The following NRG3 variants were observed in gnomAD, a reference collection of about 807,000 sequenced individuals.
NRG3 encodes the protein pro-neuregulin-3, membrane-bound isoform.
NRG3 carries 31 observed loss-of-function variants against 66.9 expected under a neutral mutation model. The observed-to-expected ratio is 0.46, with a 90% CI of 0.35 to 0.63. NRG3 has a LOEUF of 0.63. NRG3 is among the 20% of genes least tolerant of loss of function. The pLI is 0.00. For missense variants in NRG3, 910 were observed against 878.9 expected (o/e 1.04, Z -0.45); for synonymous variants, 393 against 359.4 (o/e 1.09, Z -1.06).
At chr10:82,870,041 T>G (rs556293398) in intron 4 of NRG3, among the ~76,000 whole-genome samples, 2 of 146,676 alleles carry the variant, frequency 1.4e-5, no homozygotes, top group East Asian at 4.1e-4. Context: ...GCTAATTTTT[T>G]GTATTTTTAG....
At chr10:82,167,730 T>C (rs2072204783) in intron 1 of NRG3, among the ~76,000 whole-genome samples, 1 of 152,160 alleles carries the variant, frequency 6.6e-6, no homozygotes, top group Admixed American at 6.6e-5. Flanking sequence ...CTTTTGTAAA[T>C]ATTTGCTTAT....
intron 1 of NRG3, among the ~76,000 whole-genome samples, chr10:82,337,444 A>G (rs1481812298): frequency 2.0e-5 from 3 of 152,214 alleles, no homozygotes; most frequent in East Asian, 1.9e-4. Context: ...TTTGGCTACT[A>G]TGTGTAATAT....
intron 2 of NRG3, among the ~76,000 whole-genome samples, chr10:82,615,962 AT>A (rs2048619667): frequency 6.6e-6 from 1 of 152,170 alleles, no homozygotes; most frequent in Admixed American, 6.5e-5. Context: ...TTTAGATATT[AT>A]TTTTGAGCAC....
intron 1 of NRG3, among the ~76,000 whole-genome samples, chr10:82,010,389 A>C (rs571108376): frequency 6.6e-6 from 1 of 152,320 alleles, no homozygotes; most frequent in African/African-American, 2.4e-5. Context: ...TCTGCAAAAT[A>C]TAATGTGGTT....
At chr10:82,113,781 C>T (rs898603304) in intron 1 of NRG3, among the ~76,000 whole-genome samples, 3 of 152,120 alleles carry the variant, frequency 2.0e-5, no homozygotes, top group Non-Finnish European at 4.4e-5. Flanking sequence ...TGAAAATACT[C>T]TGCAGTATAT....
At chr10:82,646,931 CTT>C (rs1043841047) in intron 2 of NRG3, among the ~76,000 whole-genome samples, 1 of 150,686 alleles carries the variant, frequency 6.6e-6, no homozygotes, top group African/African-American at 2.5e-5. Flanking sequence ...AAAGAGATAA[CTT>C]TTTAAACTTT....
At position 82,482,971 on chromosome 10, in the gene NRG3, A is replaced by G. The variant is rs567651705; in HGVS notation, c.953+124103A>G. ...TAGACAAGCATCAAGTTTACCAACCAGCACAGATCCTACAATCTTGCAAGG... is the reference window on the plus strand; with the variant it reads ...TAGACAAGCATCAAGTTTACCAACCGGCACAGATCCTACAATCTTGCAAGG... On this transcript the variant is annotated intron_variant, in intron 2 of 8. Transcript: ENST00000372141. Among the ~76,000 whole-genome samples, 198 of 152,338 alleles carry G rather than the reference A, an allele frequency of 1.3e-3. 1 individual carries two copies. The highest frequency in any genetic ancestry group is 4.3e-3 in the African/African-American group (180 of 41,580).
At chr10:82,659,317 A>G (rs2052127868) in intron 2 of NRG3, among the ~76,000 whole-genome samples, 2 of 152,344 alleles carry the variant, frequency 1.3e-5, no homozygotes, top group South Asian at 4.1e-4. Flanking sequence ...ATGCAATTAT[A>G]GTAGTATAGC....
chr10:82,049,260 G>T (rs1352397611), intron 1 of NRG3, among the ~76,000 whole-genome samples: 3 of 152,004 alleles, frequency 2.0e-5, no homozygotes, highest in African/African-American at 7.2e-5. Flanking sequence ...TTATTTTTTA[G>T]ATTTGGATGT....
intron 1 of NRG3, among the ~76,000 whole-genome samples, chr10:82,241,841 A>G (rs1347475449): frequency 1.3e-5 from 2 of 152,174 alleles, no homozygotes; most frequent in Admixed American, 1.3e-4. Flanking sequence ...TTTGTCAATT[A>G]CCATCTGTGT....
chr10:82,142,913 CCTGG>C (rs904417283), intron 1 of NRG3, among the ~76,000 whole-genome samples: 1 of 145,406 alleles, frequency 6.9e-6, no homozygotes, highest in African/African-American at 2.5e-5. Flanking sequence ...TGCCACCACA[CCTGG>C]CTAAGTTTTT....
chr10:82,466,330 A>T (rs1383063887), intron 2 of NRG3, among the ~76,000 whole-genome samples: 2 of 152,188 alleles, frequency 1.3e-5, no homozygotes, highest in African/African-American at 2.4e-5. Context: ...GCATCACAAG[A>T]GGCACTTGAG....
chr10:82,377,859 G>C (rs1232925719), intron 2 of NRG3, among the ~76,000 whole-genome samples: 1 of 152,196 alleles, frequency 6.6e-6, no homozygotes, highest in Non-Finnish European at 1.5e-5. Context: ...GGTTGGATTG[G>C]GATTTTTGGA....
chr10:82,563,161 CT>C (rs2133037226), intron 2 of NRG3, among the ~76,000 whole-genome samples: 1 of 152,176 alleles, frequency 6.6e-6, no homozygotes, highest in South Asian at 2.1e-4. Context: ...TTTTTTAAAA[CT>C]TTGATGAGAT....
chr10:82,349,097 G>A (rs1236723795), intron 1 of NRG3, among the ~76,000 whole-genome samples: 3 of 152,098 alleles, frequency 2.0e-5, no homozygotes, highest in Admixed American at 6.5e-5. Context: ...GCTTTGTTTC[G>A]TTGCTGGTGA....
intron 1 of NRG3, among the ~76,000 whole-genome samples, chr10:82,243,853 A>G (rs1055516006): frequency 2.0e-5 from 3 of 152,312 alleles, no homozygotes; most frequent in African/African-American, 7.2e-5. Context: ...ATTATACAGC[A>G]AAGGAGAGAA....
chr10:81,887,696 A>T (rs1307434516), intron 1 of NRG3, among the ~76,000 whole-genome samples: 2 of 152,158 alleles, frequency 1.3e-5, no homozygotes, highest in African/African-American at 4.8e-5. Flanking sequence ...TTTGGTGATG[A>T]GTTGTGCTCA....
chr10:82,620,140 G>A (rs1202272944), intron 2 of NRG3, among the ~76,000 whole-genome samples: 2 of 152,124 alleles, frequency 1.3e-5, no homozygotes, highest in African/African-American at 4.8e-5. Flanking sequence ...AAGCCCCAGA[G>A]GGCATATTAC....
intron 1 of NRG3, among the ~76,000 whole-genome samples, chr10:81,988,906 T>C (rs2060630264): frequency 6.6e-6 from 1 of 151,758 alleles, no homozygotes; most frequent in Non-Finnish European, 1.5e-5. Context: ...AGAAAAACCT[T>C]TGTTGATGCA....
Sources: gnomAD v4.1 joint callset for allele counts (sites outside exome capture counted in the v4.1 genomes callset) on GRCh38, gnomAD v4.1.1 for gene constraint, MANE v1.5 for transcripts, NCBI Gene and HGNC (gene_info 2026-07-23, HGNC 2026-07-21) for gene names.